SETD2: variants seen among roughly 807,000 people sequenced by gnomAD.
SETD2 encodes the protein SET domain containing 2, histone lysine methyltransferase, also known as histone-lysine N-methyltransferase SETD2.
A neutral mutation model predicts 242.1 loss-of-function variants in SETD2; 31 were observed. The ratio of observed to expected loss-of-function variants is 0.13; its 90% CI spans 0.10 to 0.17. SETD2 has a LOEUF of 0.17. Among genes scored for constraint, SETD2 ranks in the 10% least tolerant of loss-of-function variants. The pLI, the probability that SETD2 is intolerant of heterozygous loss-of-function variation, is 1.00. For missense variants in SETD2, 2,481 were observed against 3,046.3 expected, an observed-to-expected ratio of 0.81 and a Z score of 4.37; for synonymous variants, 1,006 against 1,066.5, an observed-to-expected ratio of 0.94 and a Z score of 1.11.
At chr3:47,031,525 AGAAAT>A (rs1223881447) in intron 18 of SETD2, among the ~76,000 whole-genome samples, 1 of 152,254 alleles carries the variant, frequency 6.6e-6, no homozygotes, top group East Asian at 1.9e-4. Context: ...CTGAAATACT[AGAAAT>A]GTTAAAGGAA....
chr3:47,097,508 T>C (rs927033511), intron 9 of SETD2, among the ~76,000 whole-genome samples: 1 of 152,222 alleles, frequency 6.6e-6, no homozygotes, highest in Admixed American at 6.5e-5. Flanking sequence ...AAAGAGCATC[T>C]GTGACTACTC....
chr3:47,101,396 C>A, intron 8 of SETD2, 62 bp downstream of exon 8: 5 of 837,534 alleles, frequency 6.0e-6, no homozygotes, highest in South Asian at 1.5e-5. Context: ...GTTTTATATC[C>A]TTATATCTGA....
intron 1 of SETD2, among the ~76,000 whole-genome samples, chr3:47,135,898 G>A (rs9837343): frequency 0.65 from 99,178 of 151,886 alleles, 32,796 homozygotes; most frequent in African/African-American, 0.76. Context: ...ACAGCTTTTA[G>A]TAAGTTACTA....
intron 1 of SETD2, among the ~76,000 whole-genome samples, chr3:47,162,257 T>TAA: frequency 6.6e-6 from 1 of 152,342 alleles, no homozygotes; most frequent in East Asian, 1.9e-4. Context: ...AAGTGCTATA[T>TAA]AAGCATTTAT....
At chr3:47,148,110 TTTGTTGTTGTTG>T (rs144690368) in intron 1 of SETD2, among the ~76,000 whole-genome samples, 4,828 of 148,998 alleles carry the variant, frequency 0.032, 101 homozygotes, top group Middle Eastern at 0.045. Flanking sequence ...TTGGTTGTGT[TTTGTTGTTGTTG>T]TTGTTGTTGT....
rs1044256175 is a variant in SETD2, at chr3:47,126,609, A to G, written c.87+39T>C. ...ATTTCTAAAATGTGTTTAGTGGTCC[A>G]TCTCATAATCATTGAATGACTAGTT... On this transcript the variant is annotated intron_variant, in intron 2 of 20. Transcript: ENST00000409792. The G allele has an allele frequency of 2.7e-5, 29 of 1,086,338 alleles. No homozygotes were observed. The Admixed American group carries it at 3.7e-4, about 14-fold the overall frequency. The allele number at this position is 1,086,338 out of a possible 1,614,324, so 67.3% of individuals were successfully genotyped here.
chr3:47,077,768 A>G (rs1361347844), intron 12 of SETD2, among the ~76,000 whole-genome samples: 1 of 152,230 alleles, frequency 6.6e-6, no homozygotes, highest in African/African-American at 2.4e-5. Context: ...AAGGGACAGT[A>G]CAAGATGAGC....
intron 15 of SETD2, among the ~76,000 whole-genome samples, chr3:47,052,812 T>C (rs2039907377): frequency 1.3e-5 from 2 of 151,854 alleles, no homozygotes; most frequent in Admixed American, 6.6e-5. Flanking sequence ...CCAGACTCTG[T>C]CTCCAAAAAT....
In SETD2 at chr3:47,057,087, C is replaced by A. The variant is rs1423045377; in HGVS notation, c.6697G>T (p.Val2233Leu). Residue 2233 changes from valine to leucine, a missense_variant, in exon 15 of 21, where the codon GTG becomes TTG. By Grantham distance (32) the Val-to-Leu change is conservative. Transcript: ENST00000409792. Reference protein sequence around the residue: ...VPVVPHVAAPVEVSSSQYVAQ... With the variant: ...VPVVPHVAAPLEVSSSQYVAQ... The stretch of plus-strand genomic sequence containing the variant: ...ACATACTGGGAACTGGAAACTTCCA[C>A]AGGAGCTGCCACATGTGGCACCACT... 1.9e-6 allele frequency: 3 copies of A among 1,614,212 alleles called. No homozygotes were observed. The highest frequency in any genetic ancestry group is 1.7e-6 in the Non-Finnish European group (2 of 1,180,012).
At position 47,126,426 on chromosome 3, in the gene SETD2, T is replaced by C. The variant is rs150725863; in HGVS notation, c.87+222A>G. Among the ~76,000 whole-genome samples the C allele has an allele frequency of 1.7e-3, 252 of 152,338 alleles. 2 individuals carry two copies. Among genetic ancestry groups the C allele is most frequent in the African/African-American group, 5.4e-3 (224 of 41,584 alleles). ...TCCAACTTTCTCTACCTTTCCTAAATCTCTTGAAGCTCTAAAGTTTAAAAA... is the reference window on the plus strand; with the variant it reads ...TCCAACTTTCTCTACCTTTCCTAAACCTCTTGAAGCTCTAAAGTTTAAAAA... On this transcript the variant is annotated intron_variant, in intron 2 of 20. Coordinates refer to ENST00000409792, the MANE Select transcript of SETD2 (RefSeq NM_014159.7).
chr3:47,091,877 G>A lies in SETD2; in HGVS notation c.5143-3630C>T, dbSNP rs569532399. ...GGAGAATCACTTGAACTTGGGAGGCGGAGGTTGCAATGAGCTAAGATCATG... is the reference window on the plus strand; with the variant it reads ...GGAGAATCACTTGAACTTGGGAGGCAGAGGTTGCAATGAGCTAAGATCATG... On this transcript the variant is annotated intron_variant, in intron 9 of 20. Transcript: ENST00000409792. 7.0e-4 allele frequency among the ~76,000 whole-genome samples: 107 copies of A among 152,104 alleles called. 1 individual carries two copies. Among genetic ancestry groups the A allele is most frequent in the African/African-American group, 2.5e-3 (102 of 41,502 alleles).
rs2041421022 is a variant in SETD2 at position 47,083,841 on chromosome 3, G to T, written c.5939C>A (p.Ser1980Tyr). The change falls in exon 12 of 21, where the codon TCC (serine) becomes TAC (tyrosine). Residue 1980 changes from serine (S) to tyrosine (Y), a missense_variant. This residue lies in a region of SETD2 where 203 missense variants were observed against 222.4 expected (regional missense o/e 0.91). Coordinates refer to ENST00000409792, the MANE Select transcript of SETD2 (RefSeq NM_014159.7). ...AGACACACCCTCCTCTTCATCTTGG[G>T]ATGGTGTTTCTTCATTAATAGGTTC... Reference protein sequence around the residue: ...LEEPINEETPSQDEEEGVSDV... With the variant: ...LEEPINEETPYQDEEEGVSDV... 6.2e-7 allele frequency: 1 copy of T among 1,614,076 alleles called. No individual in the cohort carries two copies. Among genetic ancestry groups the T allele is most frequent in the Non-Finnish European group, 8.5e-7 (1 of 1,179,976 alleles).
At chr3:47,096,047 C>T (rs914407602) in intron 9 of SETD2, among the ~76,000 whole-genome samples, 3 of 152,186 alleles carry the variant, frequency 2.0e-5, no homozygotes, top group Non-Finnish European at 4.4e-5. Flanking sequence ...AGAGCCACCA[C>T]GCCCAGCTAT....
In SETD2 at chr3:47,164,035, CGGCG is replaced by C. The variant is rs1697594481; in HGVS notation, c.-115_-112del. 3 of 1,216,118 alleles carry C rather than the reference CGGCG, an allele frequency of 2.5e-6. No homozygotes were observed. Among genetic ancestry groups the C allele is most frequent in the Non-Finnish European group, 3.1e-6 (3 of 972,326 alleles). 75.3% of individuals were successfully genotyped at this position (1,216,118 alleles called of 1,614,324 possible). A position where few individuals can be genotyped will look rare whatever the true frequency, so the allele number is the denominator to read the frequency against. On this transcript the variant is annotated 5_prime_UTR_variant, in exon 1 of 21. Transcript: ENST00000409792. The surrounding 1 kb of genome is among the most constrained non-coding windows in gnomAD (Gnocchi z 5.4). ...ACCGCGGCGGCGGCGGCGGCGGCGG[CGGCG>C]GCGGCAGGGGCGGCCCGCGTCGCTA...
intron 1 of SETD2, among the ~76,000 whole-genome samples, chr3:47,147,480 G>A (rs571042778): frequency 2.0e-5 from 3 of 150,488 alleles, no homozygotes; most frequent in Admixed American, 6.6e-5. Flanking sequence ...GCACCACCAC[G>A]CCCAGCTAAT....
intron 1 of SETD2, among the ~76,000 whole-genome samples, chr3:47,131,474 G>C (rs999300584): frequency 8.6e-5 from 13 of 151,890 alleles, no homozygotes; most frequent in Non-Finnish European, 1.5e-4. Context: ...CTCCCGAGTA[G>C]CTGGGACTAC....
At position 47,056,902 on chromosome 3, in the gene SETD2, G is replaced by A. The variant is rs1333759267; in HGVS notation, c.6882C>T (p.Thr2294=). ...QQYSPAQSQA[T]IYYQGQTCPT... is the part of the protein sequence containing the mutation. ...GACATGTCTGTCCTTGATAATATAT[G>A]GTTGCTTGAGACTGTGCAGGAGAGT... Residue 2294 remains threonine, a synonymous_variant, in exon 15 of 21, where the codon ACC becomes ACT. Coordinates refer to ENST00000409792, the MANE Select transcript of SETD2 (RefSeq NM_014159.7). 6.2e-7 allele frequency: 1 copy of A among 1,614,032 alleles called. No individual in the cohort carries two copies. The highest frequency in any genetic ancestry group is 8.5e-7 in the Non-Finnish European group (1 of 1,179,980).
chr3:47,117,274 A>AC (rs1363576472), intron 3 of SETD2, among the ~76,000 whole-genome samples: 8 of 139,460 alleles, frequency 5.7e-5, no homozygotes, highest in Admixed American at 2.8e-4. Context: ...AAAAAAAAAA[A>AC]AAAAAACAAA....
At position 47,062,371 on chromosome 3, in the gene SETD2, G is replaced by T. The variant is rs200585668; in HGVS notation, c.6110-25C>A. ...GCTAAGGGAAAAGGGTGGTTTGTTT[G>T]TTTTTTTTTTTTTTAAGTTTATTTG... On this transcript the variant is annotated intron_variant, in intron 13 of 20. Coordinates refer to ENST00000409792, the MANE Select transcript of SETD2 (RefSeq NM_014159.7). 1,472 of 1,365,942 alleles carry T rather than the reference G, an allele frequency of 1.1e-3. 2 individuals are homozygous for T. The highest frequency in any genetic ancestry group is 4.1e-3 in the East Asian group (165 of 40,376). The allele number at this position is 1,365,942 out of a possible 1,614,324, so 84.6% of individuals were successfully genotyped here.
Sources: allele counts gnomAD v4.1 joint callset (sites outside exome capture counted in the v4.1 genomes callset), GRCh38; gene constraint gnomAD v4.1.1; regional missense constraint gnomAD v4.1.1; non-coding constraint Gnocchi (gnomAD v3.1); transcripts MANE v1.5; gene names NCBI Gene and HGNC (gene_info 2026-07-23, HGNC 2026-07-21).